TTC39A: variants seen among roughly 807,000 people sequenced by gnomAD.
The protein encoded by TTC39A is tetratricopeptide repeat domain 39A.
Under a neutral mutation model 82.3 loss-of-function variants are expected in TTC39A, and 46 were observed. That is an observed-to-expected ratio of 0.56 (90% confidence interval 0.44 to 0.71). TTC39A has a LOEUF of 0.71. Ranked by LOEUF, TTC39A falls within the 30% of genes least tolerant of loss-of-function variation. The pLI, the probability that TTC39A is intolerant of heterozygous loss-of-function variation, is 0.00. For synonymous variants in TTC39A, 254 were observed against 275.2 expected, an observed-to-expected ratio of 0.92 and a Z score of 0.76; for missense variants, 543 against 712.9, an observed-to-expected ratio of 0.76 and a Z score of 2.71.
At chr1:51,310,383 T>C (rs751329969) in intron 5 of TTC39A, among the ~76,000 whole-genome samples, 4 of 152,144 alleles carry the variant, frequency 2.6e-5, no homozygotes, top group Non-Finnish European at 4.4e-5. Flanking sequence ...TCGGGTGTGG[T>C]GTTGGTGGGT....
intron 7 of TTC39A, 134 bp downstream of exon 7, chr1:51,305,842 TG>T: frequency 1.2e-6 from 1 of 849,658 alleles, no homozygotes; most frequent in Non-Finnish European, 1.9e-6. Flanking sequence ...GCCACATGTC[TG>T]GTCACCTCTG....
chr1:51,300,326 A>C (rs1452386075), intron 12 of TTC39A: 2 of 152,312 alleles, frequency 1.3e-5, no homozygotes, highest in African/African-American at 2.4e-5. Context: ...GACCCAGAGA[A>C]TTCCCCTTCA....
At chr1:51,325,254 CAAA>C (rs113824158) in intron 1 of TTC39A, among the ~76,000 whole-genome samples, 6 of 110,700 alleles carry the variant, frequency 5.4e-5, no homozygotes, top group African/African-American at 9.8e-5. Flanking sequence ...AATTCCATCT[CAAA>C]AAAAAAAAAA....
At chr1:51,308,665 T>G (rs1466689419) in intron 6 of TTC39A, among the ~76,000 whole-genome samples, 1 of 152,188 alleles carries the variant, frequency 6.6e-6, no homozygotes, top group African/African-American at 2.4e-5. Flanking sequence ...TGGGTAAAAA[T>G]GTTCCAAACG....
chr1:51,331,364 T>C (rs139840894), upstream of TTC39A: 8 of 1,491,088 alleles, frequency 5.4e-6, no homozygotes, highest in East Asian at 2.0e-4. Context: ...CACTGGCCCA[T>C]GAAGAGTTAA....
upstream of TTC39A, among the ~76,000 whole-genome samples, chr1:51,335,535 T>C (rs1473802393): frequency 7.3e-6 from 1 of 137,494 alleles, no homozygotes; most frequent in African/African-American, 2.8e-5. Context: ...CACTCCAGAC[T>C]GGGCGACAGA....
chr1:51,323,891 T>C (rs1346992801), intron 1 of TTC39A, among the ~76,000 whole-genome samples: 3 of 152,220 alleles, frequency 2.0e-5, no homozygotes, highest in East Asian at 3.8e-4. Context: ...TTCTTGTTTC[T>C]GGTGCCTGCT....
At chr1:51,322,113 CTTACCCTCCACAAGGGTA>C (rs1645548461) in intron 1 of TTC39A, 18 of 1,552,684 alleles carry the variant, frequency 1.2e-5, no homozygotes, top group Non-Finnish European at 1.1e-5. Context: ...AATCAATGAT[CTTACCCTCCACAAGGGTA>C]AAGGGAGTCT....
intron 11 of TTC39A, 175 bp downstream of exon 11, chr1:51,302,182 C>G (rs781370276): frequency 1.8e-5 from 15 of 828,296 alleles, no homozygotes; most frequent in Middle Eastern, 2.2e-4. Context: ...CTTGTCTTCC[C>G]AGGCTGCTCT....
chr1:51,321,695 T>A lies in TTC39A; in HGVS notation c.146+26A>T, dbSNP rs41287298. 72,556 of 1,607,584 alleles carry A rather than the reference T, an allele frequency of 0.045. 1,970 individuals are homozygous for A. The highest frequency in any genetic ancestry group is 0.053 in the Non-Finnish European group (62,492 of 1,175,620). On this transcript the variant is annotated intron_variant, in intron 2 of 17. Transcript: ENST00000680483. This position sits in a 1 kb window ranked among gnomAD's most constrained non-coding sequence, Gnocchi z 4.6. ...CTCCCTGACCGTCATGCACACCCCCTACCCCAACCGGGGCTTGAGCCTCAC... is the reference window on the plus strand; with the variant it reads ...CTCCCTGACCGTCATGCACACCCCCAACCCCAACCGGGGCTTGAGCCTCAC...
chr1:51,318,716 A>G (rs1025548658), intron 2 of TTC39A, among the ~76,000 whole-genome samples: 5 of 152,156 alleles, frequency 3.3e-5, no homozygotes, highest in African/African-American at 1.2e-4. Context: ...CCCAGCCCCT[A>G]GTCTCCCAAT....
At chr1:51,329,702 G>C (rs1645834203) in intron 1 of TTC39A, 1 of 152,378 alleles carries the variant, frequency 6.6e-6, no homozygotes, top group Non-Finnish European at 1.5e-5. Flanking sequence ...AGCAGTCAGG[G>C]CTCCTAGCAG....
intron 1 of TTC39A, among the ~76,000 whole-genome samples, chr1:51,344,768 C>T (rs1197893595): frequency 3.9e-5 from 6 of 152,262 alleles, no homozygotes; most frequent in Admixed American, 3.3e-4. Context: ...CAGGTGGGAC[C>T]GCGTCTACCC....
rs1163426445 is a variant in TTC39A at position 51,321,140 on chromosome 1, C to T, written c.146+581G>A. ...CCACCCGCCTTGGCCTCCCAAAGTG[C>T]TGGGATTACAAGCGTGAGCCACCAC... On this transcript the variant is annotated intron_variant, in intron 2 of 17. Transcript: ENST00000680483. This position sits in a 1 kb window ranked among gnomAD's most constrained non-coding sequence, Gnocchi z 4.6. Among the ~76,000 whole-genome samples the T allele has an allele frequency of 6.6e-6, 1 of 152,220 alleles. No homozygotes were observed. The highest frequency in any genetic ancestry group is 1.5e-5 in the Non-Finnish European group (1 of 68,052).
chr1:51,312,334 A>C (rs1163133055), intron 3 of TTC39A, 139 bp from the exon 4 acceptor site: 2 of 889,964 alleles, frequency 2.2e-6, no homozygotes, highest in Non-Finnish European at 3.4e-6. Context: ...GTCAAACAGA[A>C]GAGGTTTGAT....
chr1:51,342,982 A>G (rs1236627344), intron 1 of TTC39A: 7 of 450,560 alleles, frequency 1.6e-5, no homozygotes, highest in Non-Finnish European at 3.1e-5. Flanking sequence ...CTCCCTGCAC[A>G]CTGAGAGGTG....
chr1:51,297,291 A>C (rs1644473340), intron 12 of TTC39A: 1 of 151,316 alleles, frequency 6.6e-6, no homozygotes. Flanking sequence ...ATCTCGGCTC[A>C]CTGCAACCTC....
intron 3 of TTC39A, among the ~76,000 whole-genome samples, chr1:51,312,553 G>GGCCTACCCTCCTGCCCACCT (rs1384163633): frequency 6.6e-6 from 1 of 152,106 alleles, no homozygotes; most frequent in African/African-American, 2.4e-5. Context: ...TGTCCAGCCT[G>GGCCTACCCTCCTGCCCACCT]GCCTACCCTC....
In TTC39A at chr1:51,290,634, A is replaced by AG. The variant is rs1557694584; in HGVS notation, c.1267-10dup. ...CAGATGTACATCATTTCCTGAAGGC[A>AG]GGGGGGCAAGTCAGTCCTAGGTTTC... On this transcript the variant is annotated splice_polypyrimidine_tract_variant and intron_variant, in intron 14 of 17. Coordinates refer to ENST00000680483, the MANE Select transcript of TTC39A (RefSeq NM_001297663.2). The AG allele has an allele frequency of 1.2e-6, 2 of 1,609,064 alleles. No homozygotes were observed. The highest frequency in any genetic ancestry group is 1.3e-5 in the African/African-American group (1 of 74,862).
Sources: allele counts gnomAD v4.1 joint callset (sites outside exome capture counted in the v4.1 genomes callset), GRCh38; gene constraint gnomAD v4.1.1; non-coding constraint Gnocchi (gnomAD v3.1); transcripts MANE v1.5; gene names NCBI Gene and HGNC (gene_info 2026-07-23, HGNC 2026-07-21).